MCM4: variants seen among roughly 807,000 people sequenced by gnomAD.
MCM4 encodes the protein DNA replication licensing factor MCM4.
MCM4 carries 60 observed loss-of-function variants against 88.7 expected under a neutral mutation model. The ratio of observed to expected loss-of-function variants is 0.68; its 90% CI spans 0.55 to 0.84. The LOEUF is 0.84. Among genes scored for constraint, MCM4 ranks in the 40% least tolerant of loss-of-function variants. The probability of loss-of-function intolerance (pLI) is 0.00; values close to 1 mark genes in which losing one functional copy is unlikely to be tolerated. For synonymous variants in MCM4, 465 were observed against 410.5 expected (o/e 1.13, Z -1.61); for missense variants, 1,149 against 1,105.5 (o/e 1.04, Z -0.56).
chr8:47,970,622 AAGTCC>A lies in MCM4; in HGVS notation c.1547_1551del (p.Lys516ThrfsTer35). 1 of 1,614,114 alleles carries A rather than the reference AAGTCC, an allele frequency of 6.2e-7. No individual in the cohort carries two copies. Among genetic ancestry groups the A allele is most frequent in the Non-Finnish European group, 8.5e-7 (1 of 1,180,024 alleles). ...GCTGTGTGGCGACCCTGGTACCAGC[AAGTCC>A]CAGCTGCTGCAGTACGTGTACAACC... On this transcript the variant is annotated frameshift_variant, in exon 12 of 17. Transcript: ENST00000649973. LOFTEE classifies it high-confidence loss of function.
Position 47,961,151 on chromosome 8 carries a change from T to C in MCM4, c.7T>C (p.Ser3Pro). 1.3e-6 allele frequency: 2 copies of C among 1,550,880 alleles called. No homozygotes were observed. Among genetic ancestry groups the C allele is most frequent in the Non-Finnish European group, 8.6e-7 (1 of 1,158,670 alleles). The stretch of plus-strand genomic sequence containing the variant: ...CGCAGGTACTCCGAGCACTATGTCG[T>C]CCCCGGCGTCGACCCCGAGCCGCCG... The part of the protein sequence containing the change: MS[S>P]PASTPSRRGS... Residue 3 changes from serine to proline, a missense_variant, in exon 2 of 17, where the codon TCC (serine) becomes CCC (proline). Ser to Pro is a moderately conservative substitution (Grantham distance 74). Coordinates refer to ENST00000649973, the MANE Select transcript of MCM4 (RefSeq NM_182746.3).
At chr8:47,973,910 G>A (rs10091017) in intron 14 of MCM4, 32,611 of 152,132 alleles carry the variant, frequency 0.21, 6,914 homozygotes, top group African/African-American at 0.54. Flanking sequence ...ATATGTTTAA[G>A]TACTTACAAG....
At position 47,962,400 on chromosome 8, in the gene MCM4, C is replaced by G; in HGVS notation, c.495C>G (p.Asn165Lys). The change falls in exon 5 of 17, where the codon AAC becomes AAG. Residue 165 changes from asparagine to lysine, a missense_variant. Physicochemically the swap from Asn to Lys is moderately conservative, Grantham distance 94 (BLOSUM62 0). Transcript: ENST00000649973. ...TDVNVAACKE[N>K]FQRFLQRFID... ...TAAATGTGGCAGCATGCAAAGAAAA[C>G]TTTCAGGTGAGCTACATGTATTAAA... 6.2e-7 allele frequency: 1 copy of G among 1,614,180 alleles called. No individual in the cohort carries two copies. Among genetic ancestry groups the G allele is most frequent in the Non-Finnish European group, 8.5e-7 (1 of 1,180,016 alleles).
At position 47,976,886 on chromosome 8, in the gene MCM4, A is replaced by G; in HGVS notation, c.*108A>G. On this transcript the variant is annotated 3_prime_UTR_variant, in exon 17 of 17. Coordinates refer to ENST00000649973, the MANE Select transcript of MCM4 (RefSeq NM_182746.3). ...ATCAGTGTAAATAGAGCTTAAAGTC[A>G]TGGTTTGGCTGCATAAAAATTTTCT... 1 of 660,522 alleles carries G rather than the reference A, an allele frequency of 1.5e-6. No homozygotes were observed. The highest frequency in any genetic ancestry group is 1.8e-5 in the South Asian group (1 of 55,430). 40.9% of individuals were successfully genotyped at this position (660,522 alleles called of 1,614,324 possible). A position where few individuals can be genotyped will look rare whatever the true frequency, so the allele number is the denominator to read the frequency against.
At chr8:47,971,106 C>T (rs918382421) in intron 12 of MCM4, among the ~76,000 whole-genome samples, 9 of 152,184 alleles carry the variant, frequency 5.9e-5, no homozygotes, top group Non-Finnish European at 1.2e-4. Context: ...TGCAAGGTGC[C>T]TGCTTCCTGA....
Position 47,961,130 on chromosome 8 carries a change from G to C in MCM4, c.-14-1G>C. ...GGCCCGAGCTTGTCCTTGTCGCGCAGGTACTCCGAGCACTATGTCGTCCCC... is the reference window on the plus strand; with the variant it reads ...GGCCCGAGCTTGTCCTTGTCGCGCACGTACTCCGAGCACTATGTCGTCCCC... On this transcript the variant is annotated splice_acceptor_variant, in intron 1 of 16. Transcript: ENST00000649973. LOFTEE classifies it low-confidence loss of function (5UTR_SPLICE). 1 of 1,551,658 alleles carries C rather than the reference G, an allele frequency of 6.4e-7. No individual in the cohort carries two copies. Among genetic ancestry groups the C allele is most frequent in the Non-Finnish European group, 8.6e-7 (1 of 1,158,828 alleles).
In MCM4 at chr8:47,973,523, C is replaced by T. The variant is rs183905269; in HGVS notation, c.2136+459C>T. On this transcript the variant is annotated intron_variant, in intron 14 of 16. Coordinates refer to ENST00000649973, the MANE Select transcript of MCM4 (RefSeq NM_182746.3). ...TTTTTTTTTTTGTGAGACGGAGTCT[C>T]GCTGTGTCCCCCAGGCTGGACTGCA... 3.5e-3 allele frequency among the ~76,000 whole-genome samples: 517 copies of T among 149,546 alleles called. 2 individuals are homozygous for T. Among genetic ancestry groups the T allele is most frequent in the African/African-American group, 0.012 (484 of 40,554 alleles).
chr8:47,973,239 C>T (rs1269455299), intron 14 of MCM4, among the ~76,000 whole-genome samples, 175 bp downstream of exon 14: 2 of 152,180 alleles, frequency 1.3e-5, no homozygotes, highest in Admixed American at 6.5e-5. Flanking sequence ...GGCTTGATCT[C>T]GGCTTACTGC....
At chr8:47,972,167 T>G (rs981504505) in intron 13 of MCM4, among the ~76,000 whole-genome samples, 1 of 137,632 alleles carries the variant, frequency 7.3e-6, no homozygotes. Context: ...CCTGGGGGAG[T>G]GGAGATTGCA....
chr8:47,974,840 G>C lies in MCM4; in HGVS notation c.2243G>C (p.Arg748Thr). The C allele has an allele frequency of 6.2e-7, 1 of 1,614,240 alleles. No homozygotes were observed. The highest frequency in any genetic ancestry group is 8.5e-7 in the Non-Finnish European group (1 of 1,180,046). ...TTAGCAGAAGCCCATGCTAAAGTAA[G>C]ATTGTCTAACAAAGTTGAAGCCATT... ...IRLAEAHAKV[R>T]LSNKVEAIDV... is the part of the protein sequence containing the mutation. Residue 748 changes from arginine to threonine, a missense_variant, in exon 15 of 17, where the codon AGA becomes ACA. Around this residue, in one of 3 missense-constraint regions of MCM4, gnomAD observed 238 missense variants for 241.6 expected, o/e 0.99. Transcript: ENST00000649973.
intron 8 of MCM4, 105 bp from the exon 9 acceptor site, chr8:47,966,082 G>A (rs986550894): frequency 2.7e-5 from 23 of 855,580 alleles, no homozygotes; most frequent in African/African-American, 4.9e-5. Context: ...CAGAAAGGTC[G>A]CCCTAGGCAG....
At chr8:47,975,160 GT>G in intron 15 of MCM4, 198 bp downstream of exon 15, 1 of 472,228 alleles carries the variant, frequency 2.1e-6, no homozygotes, top group Non-Finnish European at 3.7e-6. Context: ...AACACACACA[GT>G]TTTGTGTATA....
At position 47,975,818 on chromosome 8, in the gene MCM4, T is replaced by G. The variant is rs767230231; in HGVS notation, c.2469T>G (p.Leu823=). The G allele has an allele frequency of 1.3e-6, 2 of 1,583,902 alleles. No homozygotes were observed. The highest frequency in any genetic ancestry group is 4.6e-5 in the East Asian group (2 of 43,144). ...CACCAGCTCTAAAATACCAGCAACTTTTTGAAGATATTCGGGGACAATCTG... is the reference window on the plus strand; with the variant it reads ...CACCAGCTCTAAAATACCAGCAACTGTTTGAAGATATTCGGGGACAATCTG... The part of the protein sequence containing the change: ...GKTPALKYQQ[L]FEDIRGQSDI... Residue 823 remains leucine (L), a synonymous_variant, in exon 16 of 17, where the codon CTT becomes CTG. Coordinates refer to ENST00000649973, the MANE Select transcript of MCM4 (RefSeq NM_182746.3).
At chr8:47,961,352 G>A (rs2090829048) in intron 2 of MCM4, 138 bp downstream of exon 2, 2 of 1,480,950 alleles carry the variant, frequency 1.4e-6, no homozygotes, top group South Asian at 2.7e-5. Context: ...GGTGCGCACA[G>A]ACACCCACAG....
Position 47,975,843 on chromosome 8 carries a change from G to A in MCM4, c.2494G>A (p.Asp832Asn). The change falls in exon 16 of 17, where the codon GAC becomes AAC. Residue 832 changes from aspartate to asparagine, a missense_variant. Around this residue, in one of 3 missense-constraint regions of MCM4, gnomAD observed 238 missense variants for 241.6 expected, o/e 0.99. Coordinates refer to ENST00000649973, the MANE Select transcript of MCM4 (RefSeq NM_182746.3). ...QLFEDIRGQS[D>N]IAITKDMFEE... ...TTTTGAAGATATTCGGGGACAATCT[G>A]ACATAGTAAGTGTTTATATGTATTT... 2 of 1,565,182 alleles carry A rather than the reference G, an allele frequency of 1.3e-6. No individual in the cohort carries two copies. Among genetic ancestry groups the A allele is most frequent in the Non-Finnish European group, 1.7e-6 (2 of 1,161,912 alleles).
chr8:47,968,238 C>T (rs17334409), intron 10 of MCM4, among the ~76,000 whole-genome samples: 3,560 of 152,240 alleles, frequency 0.023, 142 homozygotes, highest in African/African-American at 0.08. Context: ...TGCTCCTGAG[C>T]GGAGGGCCTG....
intron 5 of MCM4, 116 bp downstream of exon 5, chr8:47,962,522 A>G: frequency 9.5e-7 from 1 of 1,052,922 alleles, no homozygotes; most frequent in Non-Finnish European, 1.4e-6. Flanking sequence ...GGTGGCTCAC[A>G]CCTATAATCC....
chr8:47,962,487 CATA>C (rs2090853614), intron 5 of MCM4, 81 bp downstream of exon 5: 1 of 1,424,382 alleles, frequency 7.0e-7, no homozygotes, highest in Non-Finnish European at 9.8e-7. Flanking sequence ...TCTAAGTAGC[CATA>C]ATGACTAGAA....
chr8:47,967,627 C>A, intron 10 of MCM4, 142 bp downstream of exon 10: 1 of 1,041,396 alleles, frequency 9.6e-7, no homozygotes, highest in Non-Finnish European at 1.4e-6. Flanking sequence ...GGGGTATATC[C>A]CTGCTTTATC....
Sources: allele counts gnomAD v4.1 joint callset (sites outside exome capture counted in the v4.1 genomes callset), GRCh38; gene constraint gnomAD v4.1.1; regional missense constraint gnomAD v4.1.1; transcripts MANE v1.5; gene names NCBI Gene and HGNC (gene_info 2026-07-23, HGNC 2026-07-21).